Variants in PCDH9 observed in about 807,000 individuals in gnomAD.
PCDH9 encodes protocadherin 9.
Under a neutral mutation model 70.6 loss-of-function variants are expected in PCDH9, and 24 were observed. The observed-to-expected ratio is 0.34, with a 90% confidence interval of 0.25 to 0.48. The LOEUF (loss-of-function observed/expected upper bound fraction) is 0.48, where lower values mean the gene tolerates loss of function less well. PCDH9 is among the 20% of genes least tolerant of loss of function. PCDH9 has a pLI of 0.99. For synonymous variants in PCDH9, 562 were observed against 558.5 expected (o/e 1.01, Z -0.09); for missense variants, 1,281 against 1,503.6 (o/e 0.85, Z 2.45).
chr13:67,211,269 C>G (rs1337482214), intron 2 of PCDH9: 3 of 151,878 alleles, frequency 2.0e-5, no homozygotes. Flanking sequence ...ATAGTAATTA[C>G]TTGGTGATAG....
chr13:67,163,623 C>T (rs780343124), intron 2 of PCDH9, among the ~76,000 whole-genome samples: 5 of 152,124 alleles, frequency 3.3e-5, no homozygotes, highest in Non-Finnish European at 7.4e-5. Context: ...AATTCATATG[C>T]CAGAGCAGAC....
intron 3 of PCDH9, among the ~76,000 whole-genome samples, chr13:66,796,445 G>A (rs879431737): frequency 4.6e-5 from 7 of 152,124 alleles, no homozygotes; most frequent in Non-Finnish European, 8.8e-5. Flanking sequence ...CATTTAAGCA[G>A]TACCCCAGTT....
intron 4 of PCDH9, among the ~76,000 whole-genome samples, chr13:66,444,615 C>A (rs1172905134): frequency 6.6e-6 from 1 of 152,152 alleles, no homozygotes; most frequent in Non-Finnish European, 1.5e-5. Flanking sequence ...GACTGAAGTG[C>A]AGTGGCACGA....
intron 4 of PCDH9, among the ~76,000 whole-genome samples, chr13:66,310,869 CATGTT>C (rs1457423039): frequency 1.3e-5 from 2 of 152,016 alleles, no homozygotes; most frequent in East Asian, 3.9e-4. Flanking sequence ...ATCTGACTGT[CATGTT>C]ATAATATTAT....
At chr13:66,386,214 A>G (rs185373304) in intron 4 of PCDH9, among the ~76,000 whole-genome samples, 51 of 152,258 alleles carry the variant, frequency 3.3e-4, no homozygotes, top group Non-Finnish European at 5.7e-4. Flanking sequence ...CTTATAATTC[A>G]CTATTATTTT....
rs58349093 is a variant in PCDH9, at chr13:66,997,505, CTGTTTTGTTT to C, written c.3037-93910_3037-93901del. On this transcript the variant is annotated intron_variant, in intron 2 of 4. Transcript: ENST00000377865. Reference sequence around the variant, plus strand: ...TAGGCTCGTCACCAACACTGGAGGTCTGTTTTGTTTTGTTTTGTTTTGTTTTGTTTTGTTT... The same window carrying C: ...TAGGCTCGTCACCAACACTGGAGGTCTGTTTTGTTTTGTTTTGTTTTGTTT... Among the ~76,000 whole-genome samples the C allele has an allele frequency of 1.1e-3, 164 of 144,404 alleles. 1 individual carries two copies. Among genetic ancestry groups the C allele is most frequent in the South Asian group, 6.0e-3 (26 of 4,310 alleles). The allele number at this position is 144,404 out of a possible 152,430, so 94.7% of individuals were successfully genotyped here.
intron 4 of PCDH9, among the ~76,000 whole-genome samples, chr13:66,360,876 C>G (rs1956460025): frequency 6.6e-6 from 1 of 152,086 alleles, no homozygotes; most frequent in Non-Finnish European, 1.5e-5. Flanking sequence ...AATTACCCAG[C>G]ACTAGGTAAC....
chr13:66,596,670 C>T (rs768628987), intron 4 of PCDH9, among the ~76,000 whole-genome samples: 8 of 151,506 alleles, frequency 5.3e-5, no homozygotes, highest in Non-Finnish European at 7.4e-5. Context: ...TTTAGCTTAA[C>T]CATAATATGT....
intron 4 of PCDH9, among the ~76,000 whole-genome samples, chr13:66,316,424 T>C (rs868204083): frequency 6.6e-6 from 1 of 152,212 alleles, no homozygotes; most frequent in African/African-American, 2.4e-5. Context: ...CTCCTTTCCA[T>C]GGCCTAGAGA....
intron 4 of PCDH9, among the ~76,000 whole-genome samples, chr13:66,358,514 C>A: frequency 6.6e-6 from 1 of 151,946 alleles, no homozygotes; most frequent in African/African-American, 2.4e-5. Context: ...GTTCACTTCT[C>A]TATACTGGAT....
At chr13:67,142,869 C>T (rs1319224738) in intron 2 of PCDH9, among the ~76,000 whole-genome samples, 2 of 147,584 alleles carry the variant, frequency 1.4e-5, no homozygotes, top group Non-Finnish European at 3.0e-5. Context: ...AATAGCTGGG[C>T]GTTGTAGCAG....
At chr13:66,719,651 C>A (rs2078915974) in intron 3 of PCDH9, among the ~76,000 whole-genome samples, 1 of 152,118 alleles carries the variant, frequency 6.6e-6, no homozygotes, top group South Asian at 2.1e-4. Flanking sequence ...GTTTGAACAA[C>A]AAACGTGATA....
chr13:66,335,972 T>G (rs1956031039), intron 4 of PCDH9, among the ~76,000 whole-genome samples: 1 of 152,090 alleles, frequency 6.6e-6, no homozygotes, highest in Non-Finnish European at 1.5e-5. Flanking sequence ...CTGGAAAACC[T>G]GTGAGAATAG....
intron 4 of PCDH9, among the ~76,000 whole-genome samples, chr13:66,400,703 A>G (rs1399057352): frequency 6.6e-6 from 1 of 152,230 alleles, no homozygotes; most frequent in Non-Finnish European, 1.5e-5. Context: ...ATGGAAAAAT[A>G]ATTGATTAAG....
intron 3 of PCDH9, chr13:66,876,837 C>T (rs1050092354): frequency 6.6e-6 from 1 of 151,946 alleles, no homozygotes; most frequent in Non-Finnish European, 1.5e-5. Flanking sequence ...TTTTCAATGT[C>T]CTAAAGTTAC....
chr13:67,075,691 A>G (rs543019602), intron 2 of PCDH9, among the ~76,000 whole-genome samples: 30 of 152,208 alleles, frequency 2.0e-4, no homozygotes, highest in African/African-American at 7.2e-4. Context: ...TCCACTTCAG[A>G]TGAAAACTGC....
rs10579707 is a variant in PCDH9, at chr13:66,600,765, C to CGTGTGTGTGT, written c.3340+30435_3340+30444dup. Among the ~76,000 whole-genome samples, 177 of 133,038 alleles carry CGTGTGTGTGT rather than the reference C, an allele frequency of 1.3e-3. 9 individuals are homozygous for CGTGTGTGTGT. The highest frequency in any genetic ancestry group is 4.4e-3 in the African/African-American group (166 of 37,470). The allele number at this position is 133,038 out of a possible 152,430, so 87.3% of individuals were successfully genotyped here. A position where few individuals can be genotyped will look rare whatever the true frequency, so the allele number is the denominator to read the frequency against. The stretch of plus-strand genomic sequence containing the variant: ...ACATTTTGGATGAACTAATTAAGAA[C>CGTGTGTGTGT]GTGTGTGTGTGTGTGTGTGTGTGTG... On this transcript the variant is annotated intron_variant, in intron 4 of 4. Coordinates refer to ENST00000377865, the MANE Select transcript of PCDH9 (RefSeq NM_203487.3).
chr13:66,643,640 AGCTTCTGTAAGT>A (rs2077736166), intron 3 of PCDH9, among the ~76,000 whole-genome samples: 1 of 152,086 alleles, frequency 6.6e-6, no homozygotes, highest in Non-Finnish European at 1.5e-5. Context: ...ATATGTCAAA[AGCTTCTGTAAGT>A]TTAGGTAGCT....
chr13:66,863,772 T>C (rs1282325320), intron 3 of PCDH9, among the ~76,000 whole-genome samples: 1 of 152,130 alleles, frequency 6.6e-6, no homozygotes, highest in Non-Finnish European at 1.5e-5. Context: ...ATTTTTTTAA[T>C]GTAACTTTAT....
Sources: allele counts gnomAD v4.1 joint callset (sites outside exome capture counted in the v4.1 genomes callset), GRCh38; gene constraint gnomAD v4.1.1; transcripts MANE v1.5; gene names NCBI Gene and HGNC (gene_info 2026-07-23, HGNC 2026-07-21).